The following SPACA9 variants were observed in gnomAD, a reference collection of about 807,000 sequenced individuals.
SPACA9 encodes sperm acrosome associated 9.
SPACA9 carries 14 observed loss-of-function variants against 12.5 expected under a neutral mutation model. The ratio of observed to expected loss-of-function variants is 1.12; its 90% CI spans 0.74 to 1.75. The LOEUF (loss-of-function observed/expected upper bound fraction) is 1.75, where lower values mean the gene tolerates loss of function less well. SPACA9 is among the 40% of genes most tolerant of loss of function. SPACA9 has a pLI of 0.00. For missense variants in SPACA9, 292 were observed against 291.9 expected, an observed-to-expected ratio of 1.00 and a Z score of 0.00; for synonymous variants, 111 against 114.1, an observed-to-expected ratio of 0.97 and a Z score of 0.17.
Position 132,889,651 on chromosome 9 carries a change from C to A in SPACA9, c.*1040C>A. ...GCTGGTCTTGAACTCCTGACCTCAACTGGTCCACCCGCCTCGGCCTCCCAA... is the reference window on the plus strand; with the variant it reads ...GCTGGTCTTGAACTCCTGACCTCAAATGGTCCACCCGCCTCGGCCTCCCAA... On this transcript the variant is annotated 3_prime_UTR_variant, in exon 4 of 4. Transcript: ENST00000356311. The A allele has an allele frequency of 1.2e-6, 1 of 847,124 alleles. No homozygotes were observed. Among genetic ancestry groups the A allele is most frequent in the Non-Finnish European group, 1.4e-6 (1 of 698,090 alleles). 52.5% of individuals were successfully genotyped at this position (847,124 alleles called of 1,614,324 possible).
Position 132,888,488 on chromosome 9 carries a change from T to C in SPACA9, c.546T>C (p.Pro182=). The C allele has an allele frequency of 6.2e-7, 1 of 1,605,540 alleles. No homozygotes were observed. Residue 182 remains proline (P), a synonymous_variant, in exon 4 of 4, where the codon CCT becomes CCC. Transcript: ENST00000356311. This position sits in a 1 kb window ranked among gnomAD's most constrained non-coding sequence, Gnocchi z 5.0. ...HQESTRGAAR[P]AQAIGTQPRA... Reference sequence around the variant, plus strand: ...AGAGCACCAGGGGAGCCGCTCGTCCTGCCCAGGCCATAGGGACCCAGCCCA... The same window carrying C: ...AGAGCACCAGGGGAGCCGCTCGTCCCGCCCAGGCCATAGGGACCCAGCCCA...
chr9:132,882,291 G>T (rs994729815), intron 1 of SPACA9, among the ~76,000 whole-genome samples: 3 of 152,268 alleles, frequency 2.0e-5, no homozygotes, highest in Non-Finnish European at 4.4e-5. Context: ...GAGGCTCCAT[G>T]GCTGGGCTCC....
chr9:132,886,968 C>G (rs1056087443), intron 2 of SPACA9, among the ~76,000 whole-genome samples: 1 of 151,978 alleles, frequency 6.6e-6, no homozygotes, highest in African/African-American at 2.4e-5. Context: ...CGTGCCACCA[C>G]GCCTGGCTAA....
At position 132,889,878 on chromosome 9, in the gene SPACA9, C is replaced by A. The variant is rs1287357706; in HGVS notation, c.*1267C>A. 6.4e-6 allele frequency: 9 copies of A among 1,403,776 alleles called. No homozygotes were observed. In the African/African-American group the frequency reaches 1.2e-4, roughly 18 times the overall value. The allele number at this position is 1,403,776 out of a possible 1,614,324, so 87.0% of individuals were successfully genotyped here. ...ACCTGGTTTTCACAGCGTAGTCGAA[C>A]CCCAAACATTGTAAAATGTGTCCCT... On this transcript the variant is annotated 3_prime_UTR_variant, in exon 4 of 4. Coordinates refer to ENST00000356311, the MANE Select transcript of SPACA9 (RefSeq NM_001316897.2).
chr9:132,885,614 T>C (rs141351451), intron 2 of SPACA9, among the ~76,000 whole-genome samples: 232 of 151,390 alleles, frequency 1.5e-3, no homozygotes, highest in African/African-American at 5.3e-3. Context: ...AATTTAGCCA[T>C]ATTTGCCCAC....
chr9:132,881,291 AAAG>A (rs1424257637), intron 1 of SPACA9, among the ~76,000 whole-genome samples: 3 of 144,424 alleles, frequency 2.1e-5, no homozygotes, highest in Admixed American at 6.8e-5. Flanking sequence ...AAAAGAAAAA[AAAG>A]AAGAAAAAAA....
intron 2 of SPACA9, among the ~76,000 whole-genome samples, chr9:132,884,388 C>T (rs970085941): frequency 6.6e-6 from 1 of 152,238 alleles, no homozygotes; most frequent in African/African-American, 2.4e-5. Context: ...TTCTGTGCCT[C>T]AGTGTCCTCA....
rs1018630490 is a variant in SPACA9, at chr9:132,888,456, C to T, written c.514C>T (p.His172Tyr). ...GCAGCACGTGAGTGAGCCCCAGGCGCACCAGGAGAGCACCAGGGGAGCCGC... is the reference window on the plus strand; with the variant it reads ...GCAGCACGTGAGTGAGCCCCAGGCGTACCAGGAGAGCACCAGGGGAGCCGC... Reference protein sequence around the residue: ...VLQHVSEPQAHQESTRGAARP... With the variant: ...VLQHVSEPQAYQESTRGAARP... Residue 172 changes from histidine (H) to tyrosine (Y), a missense_variant, in exon 4 of 4, where the codon CAC becomes TAC. Coordinates refer to ENST00000356311, the MANE Select transcript of SPACA9 (RefSeq NM_001316897.2). The surrounding 1 kb of genome is among the most constrained non-coding windows in gnomAD (Gnocchi z 5.0). 2 of 1,613,014 alleles carry T rather than the reference C, an allele frequency of 1.2e-6. No homozygotes were observed. The highest frequency in any genetic ancestry group is 1.7e-6 in the Non-Finnish European group (2 of 1,179,680).
intron 2 of SPACA9, among the ~76,000 whole-genome samples, chr9:132,886,249 A>G (rs1465254625): frequency 1.3e-5 from 2 of 152,190 alleles, no homozygotes; most frequent in African/African-American, 2.4e-5. Flanking sequence ...ACCACAGCCA[A>G]TTCCTCCCTA....
chr9:132,878,560 C>A (rs1056228556), upstream of SPACA9: 2 of 1,150,234 alleles, frequency 1.7e-6, no homozygotes, highest in Non-Finnish European at 2.1e-6. The surrounding 1 kb of genome is among the most constrained non-coding windows in gnomAD (Gnocchi z 4.7). Flanking sequence ...CCAGAAGGGG[C>A]AAGTCGGCCC....
Position 132,887,560 on chromosome 9 carries a change from C to A in SPACA9, c.336C>A (p.Ser112Arg). Residue 112 changes from serine (S) to arginine (R), a missense_variant, in exon 3 of 4, where the codon AGC (serine) becomes AGA (arginine). Physicochemically the swap from Ser to Arg is moderately radical, Grantham distance 110. Transcript: ENST00000356311. The surrounding 1 kb of genome is among the most constrained non-coding windows in gnomAD (Gnocchi z 5.4). ...TTAGCCAAAGCAACGACTTAAGCAG[C>A]CTCAGAGCAAAGTAAGTCCCTCTGA... ...TLVSQSNDLS[S>R]LRAKYPHDVV... The A allele has an allele frequency of 6.2e-7, 1 of 1,613,990 alleles. No homozygotes were observed. Among genetic ancestry groups the A allele is most frequent in the African/African-American group, 1.3e-5 (1 of 75,022 alleles).
intron 1 of SPACA9, among the ~76,000 whole-genome samples, chr9:132,883,069 CA>C (rs1400863398): frequency 1.3e-5 from 2 of 152,136 alleles, no homozygotes; most frequent in Admixed American, 6.5e-5. Flanking sequence ...AGCACACACC[CA>C]CAGACTTTTC....
rs1212017328 is a variant in SPACA9, at chr9:132,889,242, C to G, written c.*631C>G. On this transcript the variant is annotated 3_prime_UTR_variant, in exon 4 of 4. Coordinates refer to ENST00000356311, the MANE Select transcript of SPACA9 (RefSeq NM_001316897.2). ...GCCACATCCGGCTCCAGTGCCACGC[C>G]TGTCCCTGCTGCGGGCTGCAGTTTT... The G allele has an allele frequency of 1.5e-5, 15 of 986,046 alleles. No individual in the cohort carries two copies. Among genetic ancestry groups the G allele is most frequent in the Non-Finnish European group, 1.8e-5 (15 of 830,524 alleles). 61.1% of individuals were successfully genotyped at this position (986,046 alleles called of 1,614,324 possible). A position where few individuals can be genotyped will look rare whatever the true frequency, so the allele number is the denominator to read the frequency against.
At chr9:132,878,389 G>T, upstream of SPACA9, 1 of 1,245,328 alleles carries the variant, frequency 8.0e-7, no homozygotes. The surrounding 1 kb of genome is among the most constrained non-coding windows in gnomAD (Gnocchi z 4.7). Context: ...TCGGTCGCGC[G>T]GGTCGCCCCC....
In SPACA9 at chr9:132,889,791, G is replaced by A; in HGVS notation, c.*1180G>A. On this transcript the variant is annotated 3_prime_UTR_variant, in exon 4 of 4. Transcript: ENST00000356311. ...CTCACCTTTCCTTCGCCTTTACTTG[G>A]GAGAGGGAGACCATGACAGAAGCCA... 1 of 1,315,206 alleles carries A rather than the reference G, an allele frequency of 7.6e-7. No homozygotes were observed. The highest frequency in any genetic ancestry group is 2.7e-5 in the South Asian group (1 of 37,236). 81.5% of individuals were successfully genotyped at this position (1,315,206 alleles called of 1,614,324 possible).
chr9:132,889,962 G>A lies in SPACA9; in HGVS notation c.*1351G>A, dbSNP rs368346670. ...GTTGGTTTTTCCCTTCACAGGGGAC[G>A]ACTTAGCTTCTGTATTATTGTTGCT... On this transcript the variant is annotated 3_prime_UTR_variant, in exon 4 of 4. Transcript: ENST00000356311. The A allele has an allele frequency of 2.1e-5, 32 of 1,515,802 alleles. No homozygotes were observed. The highest frequency in any genetic ancestry group is 3.5e-4 in the Middle Eastern group (2 of 5,664). 93.9% of individuals were successfully genotyped at this position (1,515,802 alleles called of 1,614,324 possible).
Position 132,884,050 on chromosome 9 carries a change from A to G in SPACA9, c.103A>G (p.Asn35Asp), listed in dbSNP as rs148325628. 31 of 1,614,038 alleles carry G rather than the reference A, an allele frequency of 1.9e-5. No individual in the cohort carries two copies. In the African/African-American group the frequency reaches 3.9e-4, roughly 20 times the overall value. The change falls in exon 2 of 4, where the codon AAC becomes GAC. Residue 35 changes from asparagine to aspartate, a missense_variant. Physicochemically the swap from Asn to Asp is conservative, Grantham distance 23. Transcript: ENST00000356311. ...CGCCGCTCTGGAGCACTGCAGGGAG[A>G]ACGCCCACGACAAGATCCGGCCCAT... ...FTAALEHCRENAHDKIRPISS... is the reference protein window; with the variant it reads ...FTAALEHCREDAHDKIRPISS...
In SPACA9 at chr9:132,888,351, G is replaced by A. The variant is rs140945616; in HGVS notation, c.409G>A (p.Val137Met). 5.9e-5 allele frequency: 96 copies of A among 1,614,120 alleles called. No homozygotes were observed. Among genetic ancestry groups the A allele is most frequent in the African/African-American group, 4.4e-4 (33 of 75,044 alleles). ...CDEARNHYGG[V>M]VSLIPLILDL... ...CGAGGCCCGGAACCACTACGGCGGCGTGGTCAGCCTCATCCCCCTCATCCT... is the reference window on the plus strand; with the variant it reads ...CGAGGCCCGGAACCACTACGGCGGCATGGTCAGCCTCATCCCCCTCATCCT... Residue 137 changes from valine to methionine, a missense_variant, in exon 4 of 4, where the codon GTG becomes ATG. Physicochemically the swap from Val to Met is conservative, Grantham distance 21. Coordinates refer to ENST00000356311, the MANE Select transcript of SPACA9 (RefSeq NM_001316897.2). The surrounding 1 kb of genome is among the most constrained non-coding windows in gnomAD (Gnocchi z 5.0).
chr9:132,879,811 C>T (rs112159248), intron 1 of SPACA9, among the ~76,000 whole-genome samples: 1 of 152,174 alleles, frequency 6.6e-6, no homozygotes, highest in African/African-American at 2.4e-5. Flanking sequence ...AACTGAGGCC[C>T]AGAAAAGGGG....
Sources: allele counts gnomAD v4.1 joint callset (sites outside exome capture counted in the v4.1 genomes callset), GRCh38; gene constraint gnomAD v4.1.1; non-coding constraint Gnocchi (gnomAD v3.1); transcripts MANE v1.5; gene names NCBI Gene and HGNC (gene_info 2026-07-23, HGNC 2026-07-21).